Variants in PHLDB2 observed in about 807,000 individuals in gnomAD.
The protein encoded by PHLDB2 is pleckstrin homology like domain family B member 2, also known as pleckstrin homology-like domain family B member 2.
In PHLDB2, 71 loss-of-function variants were observed where a neutral mutation model predicts 123.6. That is an observed-to-expected ratio of 0.57 (90% confidence interval 0.47 to 0.70). PHLDB2 has a LOEUF of 0.70. Ranked by LOEUF, PHLDB2 falls within the 30% of genes least tolerant of loss-of-function variation. PHLDB2 has a pLI of 0.00. For missense variants in PHLDB2, 1,446 were observed against 1,519.5 expected (o/e 0.95, Z 0.80); for synonymous variants, 547 against 541.6 (o/e 1.01, Z -0.14).
chr3:111,870,299 C>T (rs1482492096), intron 1 of PHLDB2, among the ~76,000 whole-genome samples: 1 of 151,802 alleles, frequency 6.6e-6, no homozygotes, highest in African/African-American at 2.4e-5. Context: ...GATATGTGGA[C>T]AGGTGAGGGT....
intron 2 of PHLDB2, among the ~76,000 whole-genome samples, chr3:111,896,318 G>A (rs2066862563): frequency 1.3e-5 from 2 of 150,566 alleles, no homozygotes; most frequent in South Asian, 4.3e-4. Flanking sequence ...TCAGCTAATA[G>A]GTTTAGTGAT....
chr3:111,823,173 C>A (rs1371349440), intron 1 of PHLDB2, among the ~76,000 whole-genome samples: 5 of 152,222 alleles, frequency 3.3e-5, no homozygotes, highest in Admixed American at 6.5e-5. Context: ...TTGGGAAATA[C>A]CTTGATCATC....
At chr3:111,883,393 G>A (rs2066025939) in intron 1 of PHLDB2, among the ~76,000 whole-genome samples, 1 of 152,094 alleles carries the variant, frequency 6.6e-6, no homozygotes, top group Non-Finnish European at 1.5e-5. Flanking sequence ...AAAATTTAAA[G>A]GATATAACAG....
intron 1 of PHLDB2, among the ~76,000 whole-genome samples, chr3:111,748,531 C>A (rs1361919710): frequency 1.3e-5 from 2 of 151,942 alleles, no homozygotes; most frequent in Non-Finnish European, 2.9e-5. Flanking sequence ...CCTCTTTTTT[C>A]TTTTTCTTTT....
At chr3:111,772,029 ACCC>A (rs1387592877) in intron 1 of PHLDB2, among the ~76,000 whole-genome samples, 1 of 149,694 alleles carries the variant, frequency 6.7e-6, no homozygotes, top group African/African-American at 2.5e-5. Context: ...TTGACAAATA[ACCC>A]TTTGAATTTG....
rs774830644 is a variant in PHLDB2, at chr3:111,885,215, A to G, written c.1138A>G (p.Arg380Gly). ...AGESDRVFATRRNFSCGSVEF... is the reference protein window; with the variant it reads ...AGESDRVFATGRNFSCGSVEF... ...AGAGTCAGACAGAGTTTTTGCGACC[A>G]GGAGGAACTTCTCTTGTGGATCTGT... The change falls in exon 2 of 18, where the codon AGG becomes GGG. Residue 380 changes from arginine (R) to glycine (G), a missense_variant. Transcript: ENST00000431670. 1 of 1,614,166 alleles carries G rather than the reference A, an allele frequency of 6.2e-7. No homozygotes were observed. Among genetic ancestry groups the G allele is most frequent in the Admixed American group, 1.7e-5 (1 of 60,024 alleles).
rs112893336 is a variant in PHLDB2, at chr3:111,882,255, A to G, written c.-14-1809A>G. ...TTCCTTGTTTTTTCACTTCCAAAAT[A>G]TTTAACTTGAGAGAATTGTCCAAGG... is the stretch of plus-strand genomic sequence containing the variant. On this transcript the variant is annotated intron_variant, in intron 1 of 17. Transcript: ENST00000431670. Among the ~76,000 whole-genome samples, 729 of 152,292 alleles carry G rather than the reference A, an allele frequency of 4.8e-3. 11 individuals carry two copies. Among genetic ancestry groups the G allele is most frequent in the African/African-American group, 0.017 (701 of 41,564 alleles).
At chr3:111,935,499 T>TG (rs2069422071) in intron 6 of PHLDB2, among the ~76,000 whole-genome samples, 1 of 75,576 alleles carries the variant, frequency 1.3e-5, no homozygotes, top group Non-Finnish European at 2.6e-5. Flanking sequence ...TATGTGTATA[T>TG]AAGATAGATA....
rs1346664970 is a variant in PHLDB2 at position 111,893,972 on chromosome 3, C to G, written c.1335+8560C>G. Among the ~76,000 whole-genome samples the G allele has an allele frequency of 5.5e-5, 8 of 146,096 alleles. No individual in the cohort carries two copies. The Admixed American group carries it at 5.6e-4, about 10-fold the overall frequency. ...ATGTGCACATTGTGCAGGTTAGTTA[C>G]ATACGTATACATGTGCCATGCTGGT... On this transcript the variant is annotated intron_variant, in intron 2 of 17. Coordinates refer to ENST00000431670, the MANE Select transcript of PHLDB2 (RefSeq NM_001134438.2).
chr3:111,757,436 G>T (rs1038827529), intron 1 of PHLDB2, among the ~76,000 whole-genome samples: 2 of 152,026 alleles, frequency 1.3e-5, no homozygotes, highest in African/African-American at 4.8e-5. Context: ...GCTCCTTTAA[G>T]CACTTCTCTG....
At chr3:111,871,561 G>A (rs2065341152) in intron 1 of PHLDB2, among the ~76,000 whole-genome samples, 6 of 152,232 alleles carry the variant, frequency 3.9e-5, no homozygotes, top group Admixed American at 3.9e-4. Flanking sequence ...TGCTGAAGTG[G>A]GAGAATGGCT....
At chr3:111,851,565 G>T (rs1402145574) in intron 2 of PHLDB2, among the ~76,000 whole-genome samples, 1 of 152,150 alleles carries the variant, frequency 6.6e-6, no homozygotes, top group Non-Finnish European at 1.5e-5. Context: ...CTGACACCTT[G>T]TTTAATACAG....
In PHLDB2 at chr3:111,859,347, G is replaced by A. The variant is rs2064673894; in HGVS notation, c.-244G>A. The A allele has an allele frequency of 7.1e-6, 7 of 985,520 alleles. No homozygotes were observed. The South Asian group carries it at 1.4e-4, about 20-fold the overall frequency. The allele number at this position is 985,520 out of a possible 1,614,324, so 61.0% of individuals were successfully genotyped here. On this transcript the variant is annotated 5_prime_UTR_variant, in exon 1 of 18. Transcript: ENST00000431670. ...CCATGCCCTTCCAGCAGCCGTGAAA[G>A]CCCCAACAGCAAACTGCCTGGGAGC... is the stretch of plus-strand genomic sequence containing the variant.
chr3:111,761,331 G>C (rs2059990675), intron 1 of PHLDB2, among the ~76,000 whole-genome samples: 1 of 152,076 alleles, frequency 6.6e-6, no homozygotes, highest in Non-Finnish European at 1.5e-5. Flanking sequence ...TCCACAATGG[G>C]AAATGAGCAA....
At chr3:111,945,559 TTG>T (rs1289823295) in intron 9 of PHLDB2, 28 of 583,072 alleles carry the variant, frequency 4.8e-5, no homozygotes, top group Non-Finnish European at 6.1e-5. Flanking sequence ...CAGATGCACA[TTG>T]TGTGTGTGTA....
intron 1 of PHLDB2, among the ~76,000 whole-genome samples, chr3:111,774,941 T>C (rs35894167): frequency 0.024 from 3,663 of 152,218 alleles, 62 homozygotes; most frequent in Non-Finnish European, 0.03. Context: ...CTGAATCTCA[T>C]CAGAAGGATG....
intron 8 of PHLDB2, among the ~76,000 whole-genome samples, chr3:111,943,092 C>T (rs575113693): frequency 1.3e-5 from 2 of 152,074 alleles, no homozygotes; most frequent in Non-Finnish European, 2.9e-5. Context: ...ACAGCCAAAA[C>T]AACTTTGAAC....
At chr3:111,851,090 G>A (rs1465555711) in intron 2 of PHLDB2, among the ~76,000 whole-genome samples, 1 of 151,330 alleles carries the variant, frequency 6.6e-6, no homozygotes, top group Non-Finnish European at 1.5e-5. Context: ...AGCTACTCGG[G>A]AGGCTGAGGC....
intron 1 of PHLDB2, among the ~76,000 whole-genome samples, chr3:111,878,935 G>A (rs1413053193): frequency 6.6e-6 from 1 of 152,190 alleles, no homozygotes; most frequent in African/African-American, 2.4e-5. Context: ...TTTTTGATGT[G>A]CTGCTGGATT....
Sources: allele counts gnomAD v4.1 joint callset (sites outside exome capture counted in the v4.1 genomes callset), GRCh38; gene constraint gnomAD v4.1.1; transcripts MANE v1.5; gene names NCBI Gene and HGNC (gene_info 2026-07-23, HGNC 2026-07-21).